TDRD12: variants seen among roughly 807,000 people sequenced by gnomAD.
The protein encoded by TDRD12 is putative ATP-dependent RNA helicase TDRD12.
Under a neutral mutation model 133.5 loss-of-function variants are expected in TDRD12, and 158 were observed. The observed-to-expected ratio is 1.18, with a 90% confidence interval of 1.04 to 1.35. TDRD12 has a LOEUF of 1.35. Ranked by LOEUF, TDRD12 falls within the 40% of genes most tolerant of loss-of-function variation. The probability of loss-of-function intolerance (pLI) is 0.00; values close to 1 mark genes in which losing one functional copy is unlikely to be tolerated. For synonymous variants in TDRD12, 460 were observed against 477.9 expected (o/e 0.96, Z 0.49); for missense variants, 1,443 against 1,321.3 (o/e 1.09, Z -1.43).
intron 6 of TDRD12, among the ~76,000 whole-genome samples, chr19:32,751,605 C>A (rs754616509): frequency 6.6e-6 from 1 of 151,388 alleles, no homozygotes; most frequent in African/African-American, 2.4e-5. Flanking sequence ...CCCTCCCATC[C>A]GTCTCTCTCT....
At chr19:32,799,307 T>A (rs975888763) in intron 16 of TDRD12, among the ~76,000 whole-genome samples, 3 of 152,214 alleles carry the variant, frequency 2.0e-5, no homozygotes, top group African/African-American at 7.2e-5. Context: ...CATACTGCTC[T>A]GTGCAGCATC....
chr19:32,802,052 G>A (rs1188976562), intron 19 of TDRD12, among the ~76,000 whole-genome samples, 179 bp downstream of exon 19: 1 of 150,506 alleles, frequency 6.6e-6, no homozygotes, highest in Non-Finnish European at 1.5e-5. Context: ...TTGATGTTGA[G>A]GTAAATCTCT....
chr19:32,791,017 C>T, exon 13 of TDRD12: 4 of 1,536,136 alleles, frequency 2.6e-6, no homozygotes, highest in Non-Finnish European at 2.6e-6. Context: ...GGAACAAGAT[C>T]AAGCCCTGCT....
intron 11 of TDRD12, among the ~76,000 whole-genome samples, chr19:32,783,374 G>A (rs966608191): frequency 4.6e-5 from 7 of 152,138 alleles, no homozygotes; most frequent in African/African-American, 9.7e-5. Flanking sequence ...TAGCCTTGTA[G>A]TAAAGTTTGA....
intron 1 of TDRD12, among the ~76,000 whole-genome samples, chr19:32,723,607 G>A (rs994175928): frequency 7.4e-5 from 11 of 147,868 alleles, no homozygotes; most frequent in African/African-American, 2.8e-4. Flanking sequence ...TTCTTTTTCA[G>A]AATTGTTCTA....
At chr19:32,789,251 C>G (rs143004761) in intron 11 of TDRD12, among the ~76,000 whole-genome samples, 1 of 152,306 alleles carries the variant, frequency 6.6e-6, no homozygotes, top group East Asian at 1.9e-4. Context: ...ACCAGTTTGT[C>G]CATCTGTTTT....
chr19:32,770,237 C>T (rs887852054), intron 8 of TDRD12, among the ~76,000 whole-genome samples: 45 of 152,020 alleles, frequency 3.0e-4, no homozygotes, highest in African/African-American at 1.1e-3. Flanking sequence ...GAACTCCTGA[C>T]CTCAAGTGAT....
exon 2 of TDRD12, chr19:32,731,739 T>A: frequency 6.5e-7 from 1 of 1,536,790 alleles, no homozygotes; most frequent in Non-Finnish European, 8.8e-7. Flanking sequence ...AAGATCCAGG[T>A]TGCTTCTGGG....
At chr19:32,729,006 A>G (rs1968953513) in intron 1 of TDRD12, among the ~76,000 whole-genome samples, 1 of 150,094 alleles carries the variant, frequency 6.7e-6, no homozygotes, top group Non-Finnish European at 1.5e-5. Flanking sequence ...GTGTGTATCT[A>G]TATCTATACA....
chr19:32,766,755 C>G (rs1245674938), intron 8 of TDRD12, among the ~76,000 whole-genome samples: 1 of 151,950 alleles, frequency 6.6e-6, no homozygotes, highest in Non-Finnish European at 1.5e-5. Context: ...GCTGGGACTA[C>G]AAGCATGCAC....
chr19:32,761,377 G>A (rs577882726), intron 8 of TDRD12, among the ~76,000 whole-genome samples: 4 of 152,016 alleles, frequency 2.6e-5, no homozygotes, highest in Non-Finnish European at 4.4e-5. Context: ...TGATCCGCCC[G>A]CCTCGGCCTC....
intron 10 of TDRD12, among the ~76,000 whole-genome samples, chr19:32,776,782 C>A (rs2145613210): frequency 6.6e-6 from 1 of 152,334 alleles, no homozygotes; most frequent in Middle Eastern, 3.4e-3. Flanking sequence ...AGCTCCAGTT[C>A]TCACAGAAAT....
chr19:32,773,937 G>A (rs182283203), intron 10 of TDRD12, among the ~76,000 whole-genome samples: 2 of 152,334 alleles, frequency 1.3e-5, no homozygotes, highest in Admixed American at 1.3e-4. Flanking sequence ...TTTGGACAGA[G>A]TTGTCCCTGT....
At chr19:32,786,336 TTC>T (rs1391866572) in intron 11 of TDRD12, among the ~76,000 whole-genome samples, 1 of 152,210 alleles carries the variant, frequency 6.6e-6, no homozygotes, top group Non-Finnish European at 1.5e-5. Flanking sequence ...AACCTGACCT[TTC>T]TCTCTGGGTG....
At chr19:32,794,801 A>C in exon 14 of TDRD12, 1 of 703,152 alleles carries the variant, frequency 1.4e-6, no homozygotes, top group Non-Finnish European at 2.6e-6. Flanking sequence ...AGTCATTACC[A>C]AGTAGAAATG....
intron 2 of TDRD12, among the ~76,000 whole-genome samples, chr19:32,737,554 G>C (rs1361637598): frequency 1.3e-5 from 2 of 150,970 alleles, no homozygotes; most frequent in East Asian, 4.0e-4. Context: ...TTTTGAGACA[G>C]GGTCTCACTG....
chr19:32,760,773 G>A (rs1163356147), intron 8 of TDRD12, among the ~76,000 whole-genome samples: 1 of 152,104 alleles, frequency 6.6e-6, no homozygotes, highest in Non-Finnish European at 1.5e-5. Context: ...GGGATTCTTA[G>A]GAGGGAAACA....
At chr19:32,816,642 C>T (rs762088719) in intron 26 of TDRD12, among the ~76,000 whole-genome samples, 10 of 152,130 alleles carry the variant, frequency 6.6e-5, no homozygotes, top group South Asian at 2.1e-4. Flanking sequence ...ATATTTCTGA[C>T]GGAATGGGAT....
At chr19:32,740,177 G>T (rs1969374219) in intron 3 of TDRD12, among the ~76,000 whole-genome samples, 1 of 134,006 alleles carries the variant, frequency 7.5e-6, no homozygotes, top group East Asian at 2.4e-4. Context: ...CATCTCCTGG[G>T]TGCTGTCTGC....
Sources: allele counts gnomAD v4.1 joint callset (sites outside exome capture counted in the v4.1 genomes callset), GRCh38; gene constraint gnomAD v4.1.1; transcripts MANE v1.5; gene names NCBI Gene and HGNC (gene_info 2026-07-23, HGNC 2026-07-21).